The following IGF2BP3 variants were observed in gnomAD, a reference collection of about 807,000 sequenced individuals.
IGF2BP3 encodes the protein insulin-like growth factor 2 mRNA-binding protein 3.
In IGF2BP3, 9 loss-of-function variants were observed where a neutral mutation model predicts 73.8. That is an observed-to-expected ratio of 0.12 (90% CI 0.07 to 0.21). The LOEUF (loss-of-function observed/expected upper bound fraction) is 0.21, where lower values mean the gene tolerates loss of function less well. IGF2BP3 is among the 10% of genes least tolerant of loss of function. The pLI, the probability that IGF2BP3 is intolerant of heterozygous loss-of-function variation, is 1.00. For synonymous variants in IGF2BP3, 258 were observed against 256.7 expected (o/e 1.01, Z -0.05); for missense variants, 542 against 714.0 (o/e 0.76, Z 2.75).
At chr7:23,430,334 C>A (rs1028449061) in intron 2 of IGF2BP3, among the ~76,000 whole-genome samples, 1 of 152,204 alleles carries the variant, frequency 6.6e-6, no homozygotes, top group Admixed American at 6.5e-5. Context: ...CCGCCCGCCT[C>A]GGCGGGATTA....
At chr7:23,421,926 A>C (rs1787359825) in intron 2 of IGF2BP3, among the ~76,000 whole-genome samples, 1 of 151,958 alleles carries the variant, frequency 6.6e-6, no homozygotes, top group Admixed American at 6.6e-5. Flanking sequence ...CTGGGACTAC[A>C]GATGCATGCC....
chr7:23,394,269 C>T (rs1382264817), intron 3 of IGF2BP3, among the ~76,000 whole-genome samples: 1 of 152,156 alleles, frequency 6.6e-6, no homozygotes, highest in Admixed American at 6.5e-5. Context: ...GAGTTGGAGA[C>T]CGGCCTGAAC....
intron 2 of IGF2BP3, among the ~76,000 whole-genome samples, chr7:23,461,821 C>T (rs1446058245): frequency 1.3e-5 from 2 of 152,204 alleles, no homozygotes; most frequent in African/African-American, 4.8e-5. Flanking sequence ...TCTCTCGGTA[C>T]ATGCATGCCA....
chr7:23,318,636 A>C (rs1375152289), intron 11 of IGF2BP3, among the ~76,000 whole-genome samples: 1 of 152,242 alleles, frequency 6.6e-6, no homozygotes, highest in Non-Finnish European at 1.5e-5. Context: ...TTCTGTAGTT[A>C]CAAAATGTTT....
chr7:23,330,055 G>A (rs1784404147), intron 10 of IGF2BP3, among the ~76,000 whole-genome samples: 1 of 152,072 alleles, frequency 6.6e-6, no homozygotes, highest in Non-Finnish European at 1.5e-5. Flanking sequence ...GGAAGGCCGA[G>A]GTGGGCAGAT....
At chr7:23,338,415 G>A (rs1784627561) in intron 10 of IGF2BP3, among the ~76,000 whole-genome samples, 1 of 152,250 alleles carries the variant, frequency 6.6e-6, no homozygotes, top group East Asian at 1.9e-4. Context: ...CAGCTACTTG[G>A]GAGTCAGAGG....
intron 8 of IGF2BP3, 74 bp from the exon 9 acceptor site, chr7:23,343,927 G>A (rs1298401145): frequency 1.1e-5 from 17 of 1,496,252 alleles, no homozygotes; most frequent in East Asian, 7.0e-5. Flanking sequence ...AGCCACAGAC[G>A]GCAATTAAAA....
intron 10 of IGF2BP3, among the ~76,000 whole-genome samples, chr7:23,324,184 C>A (rs1180013816): frequency 1.3e-4 from 20 of 151,306 alleles, no homozygotes; most frequent in East Asian, 3.9e-4. Flanking sequence ...CAAGACTAAT[C>A]AAGAAAAAAA....
At chr7:23,319,032 C>A (rs1784066326) in intron 11 of IGF2BP3, 106 bp downstream of exon 11, 1 of 769,434 alleles carries the variant, frequency 1.3e-6, no homozygotes, top group African/African-American at 1.7e-5. Flanking sequence ...CTTATGTAAC[C>A]CTAACAGTGT....
chr7:23,412,306 A>G (rs1462765758), intron 3 of IGF2BP3, among the ~76,000 whole-genome samples: 2 of 152,148 alleles, frequency 1.3e-5, no homozygotes, highest in Admixed American at 6.5e-5. Flanking sequence ...TAAATAAGGA[A>G]TACTTGGTTT....
At chr7:23,337,955 A>AC (rs974097560) in intron 10 of IGF2BP3, among the ~76,000 whole-genome samples, 8 of 152,334 alleles carry the variant, frequency 5.3e-5, no homozygotes, top group East Asian at 3.9e-4. Context: ...ATATGGTGGA[A>AC]CCACTTCCAG....
At chr7:23,401,152 A>G (rs1786649661) in intron 3 of IGF2BP3, among the ~76,000 whole-genome samples, 1 of 152,176 alleles carries the variant, frequency 6.6e-6, no homozygotes. Flanking sequence ...TAAAAATTGT[A>G]ACTTTTCTGC....
At chr7:23,318,915 G>A (rs1467804100) in intron 11 of IGF2BP3, among the ~76,000 whole-genome samples, 1 of 152,202 alleles carries the variant, frequency 6.6e-6, no homozygotes, top group Non-Finnish European at 1.5e-5. Flanking sequence ...CTTGGTGGGG[G>A]CAGAGCCAAC....
chr7:23,440,928 T>G (rs1279353890), intron 2 of IGF2BP3, among the ~76,000 whole-genome samples: 2 of 152,200 alleles, frequency 1.3e-5, no homozygotes, highest in Non-Finnish European at 2.9e-5. Context: ...CTCTATAGAT[T>G]TATCTATCAG....
chr7:23,383,499 T>C (rs1376473077), intron 3 of IGF2BP3, among the ~76,000 whole-genome samples: 1 of 152,012 alleles, frequency 6.6e-6, no homozygotes, highest in Non-Finnish European at 1.5e-5. Flanking sequence ...GCAAAGAAAA[T>C]GAAGAGATTA....
At chr7:23,441,142 A>G (rs980990928) in intron 2 of IGF2BP3, among the ~76,000 whole-genome samples, 2 of 152,160 alleles carry the variant, frequency 1.3e-5, no homozygotes, top group African/African-American at 4.8e-5. Context: ...TATGAGACTG[A>G]ATAAATAGCA....
chr7:23,405,787 A>G (rs1297444414), intron 3 of IGF2BP3, among the ~76,000 whole-genome samples: 1 of 152,186 alleles, frequency 6.6e-6, no homozygotes, highest in Non-Finnish European at 1.5e-5. Context: ...GTTTTAATGC[A>G]TAAAAAGAGT....
chr7:23,434,495 A>T (rs1787761837), intron 2 of IGF2BP3, among the ~76,000 whole-genome samples: 1 of 152,208 alleles, frequency 6.6e-6, no homozygotes, highest in African/African-American at 2.4e-5. Context: ...AAAGAAAATA[A>T]GCAAATAATT....
At chr7:23,382,392 G>GT (rs576688715) in intron 3 of IGF2BP3, among the ~76,000 whole-genome samples, 56 of 147,352 alleles carry the variant, frequency 3.8e-4, no homozygotes, top group Admixed American at 7.4e-4. Context: ...ATCTTACCAG[G>GT]TTTTTTTTTT....
Sources: allele counts gnomAD v4.1 joint callset (sites outside exome capture counted in the v4.1 genomes callset), GRCh38; gene constraint gnomAD v4.1.1; transcripts MANE v1.5; gene names NCBI Gene and HGNC (gene_info 2026-07-23, HGNC 2026-07-21).